Variants in ALKBH3 observed in about 807,000 individuals in gnomAD.
The protein encoded by ALKBH3 is alpha-ketoglutarate-dependent dioxygenase alkB homolog 3.
In ALKBH3, 51 loss-of-function variants were observed where a neutral mutation model predicts 43.9. That is an observed-to-expected ratio of 1.16 (90% CI 0.93 to 1.47). The LOEUF is 1.47. Ranked by LOEUF, ALKBH3 falls within the 40% of genes most tolerant of loss-of-function variation. The pLI, the probability that ALKBH3 is intolerant of heterozygous loss-of-function variation, is 0.00. For missense variants in ALKBH3, 361 were observed against 351.9 expected, an observed-to-expected ratio of 1.03 and a Z score of -0.21; for synonymous variants, 102 against 115.2, an observed-to-expected ratio of 0.89 and a Z score of 0.73.
rs184067679 is a variant in ALKBH3 at position 43,910,223 on chromosome 11, A to T, written c.669+8498A>T. On this transcript the variant is annotated intron_variant, in intron 8 of 9. Coordinates refer to ENST00000302708, the MANE Select transcript of ALKBH3 (RefSeq NM_139178.4). ...CTTTGATTCTGTTATTGTTCTCTAC[A>T]TTATTTTTTAGGAGATTATGAACTG... 117 of 152,294 alleles carry T rather than the reference A, an allele frequency of 7.7e-4. 3 individuals are homozygous for T. Among genetic ancestry groups the T allele is most frequent in the Admixed American group, 7.6e-3 (116 of 15,300 alleles). 9.4% of individuals were successfully genotyped at this position (152,294 alleles called of 1,614,324 possible). A position where few individuals can be genotyped will look rare whatever the true frequency, so the allele number is the denominator to read the frequency against.
intron 7 of ALKBH3, chr11:43,897,462 C>G (rs1951827326): frequency 1.4e-6 from 1 of 738,194 alleles, no homozygotes; most frequent in East Asian, 2.5e-5. Flanking sequence ...AATCATGGTG[C>G]AAAAATACCA....
In ALKBH3 at chr11:43,889,758, A is replaced by G; in HGVS notation, c.300A>G (p.Lys100=). Residue 100 remains lysine, a synonymous_variant, in exon 6 of 10, where the codon AAA becomes AAG. Coordinates refer to ENST00000302708, the MANE Select transcript of ALKBH3 (RefSeq NM_139178.4). ...TGTATCCTGGCTTTGTTGACGTGAA[A>G]GAAGCTGACTGGATATTGGAACAGC... is the stretch of plus-strand genomic sequence containing the variant. ...VCLYPGFVDV[K]EADWILEQLC... 1.9e-6 allele frequency: 3 copies of G among 1,614,138 alleles called. No homozygotes were observed. Among genetic ancestry groups the G allele is most frequent in the Non-Finnish European group, 2.5e-6 (3 of 1,179,994 alleles).
rs143383398 is a variant in ALKBH3 at position 43,889,085 on chromosome 11, A to G, written c.267-640A>G. Among the ~76,000 whole-genome samples the G allele has an allele frequency of 1.3e-3, 191 of 152,130 alleles. 1 individual carries two copies. The highest frequency in any genetic ancestry group is 4.1e-3 in the African/African-American group (169 of 41,502). ...CTGTTGTAGCCCAGGCTAGAGTGCA[A>G]TGGTGTCATCTCAGCTCACTGCAAC... On this transcript the variant is annotated intron_variant, in intron 5 of 9. Coordinates refer to ENST00000302708, the MANE Select transcript of ALKBH3 (RefSeq NM_139178.4).
chr11:43,886,114 A>T (rs1312660027), intron 4 of ALKBH3, among the ~76,000 whole-genome samples: 1 of 152,134 alleles, frequency 6.6e-6, no homozygotes, highest in Non-Finnish European at 1.5e-5. Flanking sequence ...CAGAAGATAG[A>T]GCTACATTAT....
chr11:43,882,786 T>C, intron 2 of ALKBH3, 55 bp downstream of exon 2: 2 of 1,509,010 alleles, frequency 1.3e-6, no homozygotes, highest in Non-Finnish European at 1.8e-6. Flanking sequence ...TCTCATTCTC[T>C]TTTATTTATA....
chr11:43,920,201 A>G lies in ALKBH3; in HGVS notation c.*191A>G, dbSNP rs1164575961. ...TTGGTAATAGGTCTACTGTGGGAAC[A>G]GTTATCCCTAACCACAGCTCAAAAT... is the stretch of plus-strand genomic sequence containing the variant. On this transcript the variant is annotated 3_prime_UTR_variant, in exon 10 of 10. Coordinates refer to ENST00000302708, the MANE Select transcript of ALKBH3 (RefSeq NM_139178.4). 7.1e-6 allele frequency: 4 copies of G among 566,528 alleles called. No homozygotes were observed. The African/African-American group carries it at 7.5e-5, about 11-fold the overall frequency. 35.1% of individuals were successfully genotyped at this position (566,528 alleles called of 1,614,324 possible). A position where few individuals can be genotyped will look rare whatever the true frequency, so the allele number is the denominator to read the frequency against.
intron 7 of ALKBH3, among the ~76,000 whole-genome samples, chr11:43,892,836 A>G (rs1422057028): frequency 6.6e-6 from 1 of 151,802 alleles, no homozygotes; most frequent in Non-Finnish European, 1.5e-5. Context: ...GACACATTTC[A>G]GAGCTTCTAG....
chr11:43,913,554 G>T (rs114569595), intron 8 of ALKBH3, among the ~76,000 whole-genome samples: 3,881 of 152,272 alleles, frequency 0.025, 89 homozygotes, highest in African/African-American at 0.063. Flanking sequence ...AAAAGCAATT[G>T]TACGTGTATT....
At chr11:43,883,223 A>T (rs766454507) in intron 3 of ALKBH3, 35 bp downstream of exon 3, 1 of 1,545,404 alleles carries the variant, frequency 6.5e-7, no homozygotes, top group South Asian at 1.2e-5. Flanking sequence ...TAGTGATAAA[A>T]ATTTGCTTAG....
chr11:43,893,713 G>A (rs1951799528), intron 7 of ALKBH3, among the ~76,000 whole-genome samples: 1 of 152,104 alleles, frequency 6.6e-6, no homozygotes, highest in Admixed American at 6.5e-5. Context: ...TGGAAGGATT[G>A]CTTGAGGCCA....
At chr11:43,898,579 GTCTT>G in intron 7 of ALKBH3, 1 of 760,806 alleles carries the variant, frequency 1.3e-6, no homozygotes, top group Non-Finnish European at 2.4e-6. Flanking sequence ...GAATACAAAA[GTCTT>G]TGTTTGGCCT....
intron 8 of ALKBH3, among the ~76,000 whole-genome samples, chr11:43,902,455 A>G (rs1407536114): frequency 6.6e-6 from 1 of 152,272 alleles, no homozygotes; most frequent in Admixed American, 6.5e-5. Flanking sequence ...TACGACTAAG[A>G]AAGATAGTAA....
intron 8 of ALKBH3, among the ~76,000 whole-genome samples, chr11:43,906,210 G>T (rs2135196914): frequency 6.6e-6 from 1 of 152,292 alleles, no homozygotes; most frequent in South Asian, 2.1e-4. Flanking sequence ...AAGTCTAGCG[G>T]TAGAGACTAT....
intron 7 of ALKBH3, 99 bp downstream of exon 7, chr11:43,892,228 G>A: frequency 1.9e-6 from 2 of 1,054,236 alleles, no homozygotes; most frequent in East Asian, 2.7e-5. Context: ...GATTCATGCT[G>A]GTTCCTAGTT....
chr11:43,884,315 C>G (rs34967888), intron 4 of ALKBH3, among the ~76,000 whole-genome samples: 5 of 150,936 alleles, frequency 3.3e-5, no homozygotes, highest in Admixed American at 1.3e-4. Context: ...CAGGCAAAGA[C>G]AGAGAGGGAT....
intron 7 of ALKBH3, chr11:43,897,579 G>GTGAA (rs1951828405): frequency 1.3e-6 from 1 of 795,934 alleles, no homozygotes; most frequent in Non-Finnish European, 2.3e-6. Context: ...CAGTGACACT[G>GTGAA]TGAATGAATT....
At chr11:43,890,436 G>T (rs915581547) in intron 6 of ALKBH3, among the ~76,000 whole-genome samples, 1 of 152,052 alleles carries the variant, frequency 6.6e-6, no homozygotes, top group Non-Finnish European at 1.5e-5. Flanking sequence ...CTCTAGCATC[G>T]AATTTTTTTC....
rs34507070 is a variant in ALKBH3, at chr11:43,909,133, G to A, written c.669+7408G>A. Reference sequence around the variant, plus strand: ...ACTGTTTCGAACCAATAACCTCAGTGACTTAAAATCTGTGTTTTTCTAGCT... The same window carrying A: ...ACTGTTTCGAACCAATAACCTCAGTAACTTAAAATCTGTGTTTTTCTAGCT... On this transcript the variant is annotated intron_variant, in intron 8 of 9. Coordinates refer to ENST00000302708, the MANE Select transcript of ALKBH3 (RefSeq NM_139178.4). Among the ~76,000 whole-genome samples the A allele has an allele frequency of 2.0e-3, 302 of 152,310 alleles. 6 individuals are homozygous for A. Among genetic ancestry groups the A allele is most frequent in the Admixed American group, 0.014 (207 of 15,302 alleles).
At chr11:43,886,550 G>C (rs1951747643) in intron 4 of ALKBH3, 56 bp from the exon 5 acceptor site, 4 of 1,560,360 alleles carry the variant, frequency 2.6e-6, no homozygotes. Flanking sequence ...TCTTCCACTG[G>C]GTATAGCATA....
Sources: gnomAD v4.1 joint callset for allele counts (sites outside exome capture counted in the v4.1 genomes callset) on GRCh38, gnomAD v4.1.1 for gene constraint, MANE v1.5 for transcripts, NCBI Gene and HGNC (gene_info 2026-07-23, HGNC 2026-07-21) for gene names.